The following LRRC8C variants were observed in gnomAD, a reference collection of about 807,000 sequenced individuals.
The protein encoded by LRRC8C is leucine rich repeat containing 8 VRAC subunit C, also known as volume-regulated anion channel subunit LRRC8C.
Under a neutral mutation model 55.3 loss-of-function variants are expected in LRRC8C, and 20 were observed. The observed-to-expected ratio is 0.36, with a 90% CI of 0.25 to 0.53. The LOEUF (loss-of-function observed/expected upper bound fraction) is 0.53, where lower values mean the gene tolerates loss of function less well. Ranked by LOEUF, LRRC8C falls within the 20% of genes least tolerant of loss-of-function variation. The pLI is 0.92. For synonymous variants in LRRC8C, 376 were observed against 360.7 expected, an observed-to-expected ratio of 1.04 and a Z score of -0.48; for missense variants, 659 against 951.4, an observed-to-expected ratio of 0.69 and a Z score of 4.04.
intron 1 of LRRC8C, among the ~76,000 whole-genome samples, chr1:89,684,124 A>G (rs1657803381): frequency 6.6e-6 from 1 of 152,168 alleles, no homozygotes; most frequent in African/African-American, 2.4e-5. Context: ...CTAGTATGGT[A>G]AATATGTATA....
intron 1 of LRRC8C, among the ~76,000 whole-genome samples, chr1:89,636,797 C>T (rs1296285445): frequency 6.6e-6 from 1 of 152,194 alleles, no homozygotes; most frequent in African/African-American, 2.4e-5. Context: ...GCATGAGGCA[C>T]AGCACCCGGC....
chr1:89,676,882 C>T (rs144355112), intron 1 of LRRC8C, among the ~76,000 whole-genome samples: 1 of 152,264 alleles, frequency 6.6e-6, no homozygotes, highest in Non-Finnish European at 1.5e-5. Context: ...AGCACAGAGC[C>T]TGACATACAA....
the LRRC8C span, among the ~76,000 whole-genome samples, chr1:89,622,591 C>A: frequency 6.6e-6 from 1 of 152,120 alleles, no homozygotes; most frequent in Non-Finnish European, 1.5e-5. Context: ...CCTCGGCCTC[C>A]CAAAGTGCTG....
chr1:89,647,545 C>T (rs528920204), intron 1 of LRRC8C, among the ~76,000 whole-genome samples: 1 of 152,206 alleles, frequency 6.6e-6, no homozygotes, highest in South Asian at 2.1e-4. Flanking sequence ...AATTGACTTG[C>T]CGCTTCTGAA....
At chr1:89,629,801 C>G (rs1318408214), upstream of LRRC8C, 2 of 152,192 alleles carry the variant, frequency 1.3e-5, no homozygotes, top group Non-Finnish European at 2.9e-5. Context: ...TGTGGTCACA[C>G]AAGGAAGGAA....
intron 1 of LRRC8C, among the ~76,000 whole-genome samples, chr1:89,650,326 G>C (rs1425308684): frequency 1.3e-5 from 2 of 152,086 alleles, no homozygotes. Flanking sequence ...GGCAAAACTG[G>C]TGCAAAGAGT....
At chr1:89,695,550 A>C (rs1658151074) in intron 2 of LRRC8C, among the ~76,000 whole-genome samples, 1 of 152,214 alleles carries the variant, frequency 6.6e-6, no homozygotes, top group South Asian at 2.1e-4. Context: ...AGTGATATTC[A>C]CTTGTAGAAC....
chr1:89,713,608 A>G lies in LRRC8C; in HGVS notation c.1038A>G (p.Leu346=), dbSNP rs1361834290. 3 of 1,614,120 alleles carry G rather than the reference A, an allele frequency of 1.9e-6. No individual in the cohort carries two copies. The highest frequency in any genetic ancestry group is 1.1e-5 in the South Asian group (1 of 91,076). ...YTLYWLFYRS[L]REYSFEYVRQ... ...TATACTGGCTGTTCTACCGTTCTCT[A>G]CGGGAATATTCCTTTGAGTATGTCC... Residue 346 remains leucine (L), a synonymous_variant, in exon 3 of 3, where the codon CTA becomes CTG. Transcript: ENST00000370454. This position sits in a 1 kb window ranked among gnomAD's most constrained non-coding sequence, Gnocchi z 5.2.
At chr1:89,616,611 G>A in the LRRC8C span, among the ~76,000 whole-genome samples, 1 of 152,144 alleles carries the variant, frequency 6.6e-6, no homozygotes, top group Non-Finnish European at 1.5e-5. Context: ...CTTGAGTGTC[G>A]ATAAATCTCA....
At chr1:89,649,828 CTCTT>C (rs1432291158) in intron 1 of LRRC8C, among the ~76,000 whole-genome samples, 2 of 152,196 alleles carry the variant, frequency 1.3e-5, no homozygotes, top group African/African-American at 4.8e-5. Context: ...TTTCCTTTAA[CTCTT>C]TCTTATCACA....
At chr1:89,690,718 G>C (rs140581384) in intron 2 of LRRC8C, among the ~76,000 whole-genome samples, 88 of 152,242 alleles carry the variant, frequency 5.8e-4, no homozygotes, top group African/African-American at 1.9e-3. Flanking sequence ...CTTTTCCTGT[G>C]TGCTGGTCAG....
intron 1 of LRRC8C, among the ~76,000 whole-genome samples, chr1:89,648,892 ATGT>A (rs1453043917): frequency 3.3e-5 from 5 of 152,198 alleles, no homozygotes; most frequent in African/African-American, 1.2e-4. Flanking sequence ...AGGTTCATTA[ATGT>A]TGTGGCATAT....
intron 1 of LRRC8C, among the ~76,000 whole-genome samples, chr1:89,679,131 T>G (rs1657632822): frequency 6.7e-6 from 1 of 149,908 alleles, no homozygotes; most frequent in Non-Finnish European, 1.5e-5. Flanking sequence ...AACAAGGGGG[T>G]CGGGGAGAAG....
At chr1:89,683,012 A>C (rs1207036284) in intron 1 of LRRC8C, among the ~76,000 whole-genome samples, 1 of 152,232 alleles carries the variant, frequency 6.6e-6, no homozygotes, top group Non-Finnish European at 1.5e-5. Flanking sequence ...GAGAACAACT[A>C]AAGTATTTGT....
In LRRC8C at chr1:89,685,767, C is replaced by T. The variant is rs189117472; in HGVS notation, c.-4-703C>T. ...TTTCCAGACTGAACTGTTGTCTCAG[C>T]GGAGAAAATTAGGATAAGTTTGGGG... On this transcript the variant is annotated intron_variant, in intron 1 of 2. Coordinates refer to ENST00000370454, the MANE Select transcript of LRRC8C (RefSeq NM_032270.5). Among the ~76,000 whole-genome samples, 17 of 151,870 alleles carry T rather than the reference C, an allele frequency of 1.1e-4. No individual in the cohort carries two copies. In the East Asian group the frequency reaches 2.3e-3, roughly 21 times the overall value.
rs1052066143 is a variant in LRRC8C at position 89,648,647 on chromosome 1, A to G, written c.-5+15325A>G. 1.7e-4 allele frequency among the ~76,000 whole-genome samples: 26 copies of G among 152,342 alleles called. 1 individual carries two copies. The highest frequency in any genetic ancestry group is 6.0e-4 in the African/African-American group (25 of 41,576). Reference sequence around the variant, plus strand: ...TACAGTATACAATTCAATAGCTTTTATCATAATTATAGAATTGTGTAACTA... The same window carrying G: ...TACAGTATACAATTCAATAGCTTTTGTCATAATTATAGAATTGTGTAACTA... On this transcript the variant is annotated intron_variant, in intron 1 of 2. Transcript: ENST00000370454.
At chr1:89,677,739 A>G (rs573613929) in intron 1 of LRRC8C, among the ~76,000 whole-genome samples, 2 of 152,316 alleles carry the variant, frequency 1.3e-5, no homozygotes, top group South Asian at 2.1e-4. Flanking sequence ...TAACCCATTT[A>G]TGCTTTTCTC....
At chr1:89,655,369 G>A (rs1029322152) in intron 1 of LRRC8C, among the ~76,000 whole-genome samples, 9 of 151,610 alleles carry the variant, frequency 5.9e-5, no homozygotes, top group South Asian at 2.1e-4. Context: ...CTTTACTTTC[G>A]GTTTTAGTGT....
intron 1 of LRRC8C, among the ~76,000 whole-genome samples, chr1:89,673,857 C>T (rs914366758): frequency 2.0e-5 from 3 of 152,148 alleles, no homozygotes; most frequent in Non-Finnish European, 4.4e-5. Flanking sequence ...TCAATGAGAG[C>T]CTGAAACTCT....
Sources: gnomAD v4.1 joint callset for allele counts (sites outside exome capture counted in the v4.1 genomes callset) on GRCh38, gnomAD v4.1.1 for gene constraint, Gnocchi (gnomAD v3.1) non-coding constraint, MANE v1.5 for transcripts, NCBI Gene and HGNC (gene_info 2026-07-23, HGNC 2026-07-21) for gene names.